KDM4C: variants seen among roughly 807,000 people sequenced by gnomAD.
KDM4C encodes the protein lysine demethylase 4C, also known as lysine-specific demethylase 4C.
In KDM4C, 81 loss-of-function variants were observed where a neutral mutation model predicts 129.3. The ratio of observed to expected loss-of-function variants is 0.63; its 90% CI spans 0.52 to 0.75. The LOEUF (loss-of-function observed/expected upper bound fraction) is 0.75. Among genes scored for constraint, KDM4C ranks in the 30% least tolerant of loss-of-function variants. The pLI is 0.00. For missense variants in KDM4C, 1,457 were observed against 1,304.0 expected, an observed-to-expected ratio of 1.12 and a Z score of -1.81; for synonymous variants, 573 against 456.1, an observed-to-expected ratio of 1.26 and a Z score of -3.26.
At chr9:7,151,090 C>A (rs1047642655) in intron 19 of KDM4C, among the ~76,000 whole-genome samples, 22 of 151,970 alleles carry the variant, frequency 1.4e-4, no homozygotes, top group South Asian at 6.3e-4. Context: ...GCAGGAGGAC[C>A]TTTTGAGGGC....
intron 8 of KDM4C, among the ~76,000 whole-genome samples, chr9:6,906,476 T>C (rs1818337879): frequency 6.6e-6 from 1 of 152,202 alleles, no homozygotes. Context: ...GTTTTGTCTC[T>C]GAGGCAAAGG....
chr9:7,028,899 C>T (rs371676122), intron 15 of KDM4C, among the ~76,000 whole-genome samples: 1 of 151,448 alleles, frequency 6.6e-6, no homozygotes, highest in East Asian at 2.0e-4. Context: ...TGCCATGTGA[C>T]CGTTGCCAGG....
At chr9:6,894,556 A>C (rs897845823) in intron 8 of KDM4C, among the ~76,000 whole-genome samples, 1 of 152,256 alleles carries the variant, frequency 6.6e-6, no homozygotes, top group Non-Finnish European at 1.5e-5. Flanking sequence ...CAGCTATTAC[A>C]GCTGTTCAGA....
chr9:6,924,493 C>G lies in KDM4C; in HGVS notation c.921+31261C>G, dbSNP rs545184064. Among the ~76,000 whole-genome samples, 16 of 152,268 alleles carry G rather than the reference C, an allele frequency of 1.1e-4. No individual in the cohort carries two copies. The South Asian group carries it at 2.7e-3, about 26-fold the overall frequency. On this transcript the variant is annotated intron_variant, in intron 8 of 21. Coordinates refer to ENST00000381309, the MANE Select transcript of KDM4C (RefSeq NM_015061.6). Reference sequence around the variant, plus strand: ...TCACACCATCCTCTGTTGCTCTGTCCTTAGTTTGGGGAATTACACTCTTCT... The same window carrying G: ...TCACACCATCCTCTGTTGCTCTGTCGTTAGTTTGGGGAATTACACTCTTCT...
At chr9:7,158,653 G>C (rs1843453323) in intron 19 of KDM4C, among the ~76,000 whole-genome samples, 1 of 152,164 alleles carries the variant, frequency 6.6e-6, no homozygotes, top group East Asian at 1.9e-4. Flanking sequence ...GAGCGGTTTT[G>C]AGTGAGTTTC....
intron 3 of KDM4C, among the ~76,000 whole-genome samples, chr9:6,807,562 T>A (rs1342675930): frequency 1.4e-5 from 2 of 147,924 alleles, no homozygotes; most frequent in East Asian, 4.1e-4. Context: ...GGAGCGCCTC[T>A]GCCCGGCCGA....
chr9:7,091,070 A>C (rs1835739917), intron 17 of KDM4C, among the ~76,000 whole-genome samples: 1 of 152,164 alleles, frequency 6.6e-6, no homozygotes. Flanking sequence ...ACCCCCCCAA[A>C]ACCTCCATTG....
At chr9:7,020,329 A>T (rs1457426991) in intron 15 of KDM4C, among the ~76,000 whole-genome samples, 2 of 152,228 alleles carry the variant, frequency 1.3e-5, no homozygotes, top group East Asian at 1.9e-4. Context: ...CATAATTCCA[A>T]TTAGATATCA....
At chr9:6,780,024 A>G (rs1246954407) in intron 1 of KDM4C, among the ~76,000 whole-genome samples, 2 of 152,158 alleles carry the variant, frequency 1.3e-5, no homozygotes, top group Non-Finnish European at 2.9e-5. Flanking sequence ...CTGGCCTACT[A>G]TAGTAGCTCT....
chr9:6,723,664 A>G (rs1312999707), intron 1 of KDM4C: 2 of 151,518 alleles, frequency 1.3e-5, no homozygotes, highest in African/African-American at 4.9e-5. Context: ...GGGACTATGT[A>G]TATAGATTTA....
At chr9:6,818,154 A>C (rs1273796009) in intron 4 of KDM4C, among the ~76,000 whole-genome samples, 1 of 152,148 alleles carries the variant, frequency 6.6e-6, no homozygotes, top group Non-Finnish European at 1.5e-5. Flanking sequence ...ATGCGTGTTC[A>C]TGTTTACCAC....
chr9:6,731,970 G>C (rs1012737181), intron 1 of KDM4C, among the ~76,000 whole-genome samples: 1 of 152,072 alleles, frequency 6.6e-6, no homozygotes, highest in African/African-American at 2.4e-5. Flanking sequence ...GTGCACCAGG[G>C]AGACTATTAT....
At chr9:7,000,072 A>G (rs1395398022) in intron 12 of KDM4C, among the ~76,000 whole-genome samples, 1 of 152,230 alleles carries the variant, frequency 6.6e-6, no homozygotes, top group Non-Finnish European at 1.5e-5. Flanking sequence ...CGTTATGTGG[A>G]CACAAAACAT....
chr9:6,965,568 T>TTGAA (rs763628303), intron 8 of KDM4C, among the ~76,000 whole-genome samples: 6 of 152,222 alleles, frequency 3.9e-5, no homozygotes, highest in Non-Finnish European at 7.3e-5. Context: ...AGTCAATAAG[T>TTGAA]TGAATACTCA....
At chr9:6,962,487 A>AT (rs1341237010) in intron 8 of KDM4C, among the ~76,000 whole-genome samples, 1 of 152,206 alleles carries the variant, frequency 6.6e-6, no homozygotes, top group Non-Finnish European at 1.5e-5. Flanking sequence ...TTATGGTTTC[A>AT]TTTTTAAACA....
At chr9:6,973,481 A>G (rs1410805095) in intron 8 of KDM4C, among the ~76,000 whole-genome samples, 3 of 152,268 alleles carry the variant, frequency 2.0e-5, no homozygotes, top group Non-Finnish European at 4.4e-5. Flanking sequence ...ACATGTAATC[A>G]GAGTACATGG....
intron 17 of KDM4C, among the ~76,000 whole-genome samples, chr9:7,060,867 C>T (rs1025386494): frequency 6.6e-6 from 1 of 152,136 alleles, no homozygotes; most frequent in African/African-American, 2.4e-5. Context: ...AGATGGTTTA[C>T]ATTGTCAAGT....
chr9:6,752,608 C>G (rs1042929469), intron 1 of KDM4C, among the ~76,000 whole-genome samples: 1 of 151,574 alleles, frequency 6.6e-6, no homozygotes, highest in Non-Finnish European at 1.5e-5. Context: ...CGGAGTTTCA[C>G]CATGTTGGTT....
intron 4 of KDM4C, among the ~76,000 whole-genome samples, chr9:6,841,471 T>C (rs1388840775): frequency 6.6e-6 from 1 of 152,182 alleles, no homozygotes; most frequent in African/African-American, 2.4e-5. Context: ...TATAGACTTT[T>C]CCTCTTCTAT....
Sources: gnomAD v4.1 joint callset for allele counts (sites outside exome capture counted in the v4.1 genomes callset) on GRCh38, gnomAD v4.1.1 for gene constraint, MANE v1.5 for transcripts, NCBI Gene and HGNC (gene_info 2026-07-23, HGNC 2026-07-21) for gene names.